The following CFAP47 variants were observed in gnomAD, a reference collection of about 807,000 sequenced individuals.
CFAP47 encodes the protein cilia and flagella associated protein 47.
A neutral mutation model predicts 148.1 loss-of-function variants in CFAP47; 29 were observed. The ratio of observed to expected loss-of-function variants is 0.20; its 90% confidence interval spans 0.15 to 0.27. The LOEUF (loss-of-function observed/expected upper bound fraction) is 0.27. Among genes scored for constraint, CFAP47 ranks in the 10% least tolerant of loss-of-function variants. The probability of loss-of-function intolerance (pLI) is 1.00; values close to 1 mark genes in which losing one functional copy is unlikely to be tolerated. For missense variants in CFAP47, 1,872 were observed against 1,697.5 expected (o/e 1.10, Z -1.81); for synonymous variants, 664 against 577.3 (o/e 1.15, Z -2.15).
At chrX:36,120,503 G>T (rs1938723542) in intron 33 of CFAP47, among the ~76,000 whole-genome samples, 1 of 111,100 alleles carries the variant, frequency 9.0e-6, no homozygotes, top group Non-Finnish European at 1.9e-5. Flanking sequence ...GGCACTTGCA[G>T]CTATGAAATT....
intron 37 of CFAP47, among the ~76,000 whole-genome samples, chrX:36,156,374 A>T (rs952038314): frequency 1.8e-5 from 2 of 111,512 alleles, no homozygotes; most frequent in Admixed American, 1.9e-4. Flanking sequence ...TTATATAGAA[A>T]ATGTTAAACA....
intron 2 of CFAP47, among the ~76,000 whole-genome samples, chrX:35,931,249 G>A (rs1196584466): frequency 9.0e-6 from 1 of 111,289 alleles, no homozygotes; most frequent in Non-Finnish European, 1.9e-5. Flanking sequence ...CTTTCTGGTA[G>A]ATTGATCCTT....
intron 8 of CFAP47, among the ~76,000 whole-genome samples, chrX:35,962,959 GTGTGTGTGTGTGTA>G (rs2146655452): frequency 9.2e-6 from 1 of 108,485 alleles, no homozygotes; most frequent in Non-Finnish European, 1.9e-5. Context: ...GTGTGTGTGT[GTGTGTGTGTGTGTA>G]TGTGTATGAA....
chrX:36,239,249 G>A (rs996397201), intron 48 of CFAP47, among the ~76,000 whole-genome samples: 1 of 112,396 alleles, frequency 8.9e-6, no homozygotes, highest in Non-Finnish European at 1.9e-5. Flanking sequence ...TTAAAGAAAA[G>A]CAATGAAAAC....
intron 33 of CFAP47, among the ~76,000 whole-genome samples, chrX:36,123,276 A>G (rs1938777075): frequency 8.9e-6 from 1 of 112,060 alleles, no homozygotes; most frequent in African/African-American, 3.2e-5. Flanking sequence ...GGCCTGCTGT[A>G]ACCACTCCCT....
Position 35,966,621 on chromosome X carries a change from G to C in CFAP47, c.1467G>C (p.Met489Ile). 8.6e-7 allele frequency: 1 copy of C among 1,163,241 alleles called. No homozygotes were observed. Among genetic ancestry groups the C allele is most frequent in the Non-Finnish European group, 1.2e-6 (1 of 867,939 alleles). ...TTGGAGTCTTCAAAGTGAAGCAGATGATAGAGATTATTGGTTTAGTGGCAG... is the reference window on the plus strand; with the variant it reads ...TTGGAGTCTTCAAAGTGAAGCAGATCATAGAGATTATTGGTTTAGTGGCAG... The part of the protein sequence containing the change: ...HQLGVFKVKQ[M>I]IEIIGLVAEE... The change falls in exon 9 of 64, where the codon ATG (methionine) becomes ATC (isoleucine). Residue 489 changes from methionine (M) to isoleucine (I), a missense_variant. Met to Ile is a conservative substitution (Grantham distance 10, BLOSUM62 1). Coordinates refer to ENST00000378653, the MANE Select transcript of CFAP47 (RefSeq NM_001304548.2).
chrX:35,956,914 A>G (rs983959283), intron 8 of CFAP47, among the ~76,000 whole-genome samples: 3 of 111,696 alleles, frequency 2.7e-5, no homozygotes, highest in Non-Finnish European at 3.8e-5. Flanking sequence ...CTACTTTCAT[A>G]CAAAAAGACA....
At chrX:36,359,437 A>T (rs1941810202) in intron 60 of CFAP47, among the ~76,000 whole-genome samples, 1 of 112,168 alleles carries the variant, frequency 8.9e-6, no homozygotes, top group African/African-American at 3.2e-5. Context: ...TATATTATGG[A>T]TATTAAAAGC....
At chrX:35,948,660 C>T (rs1000521972) in intron 4 of CFAP47, among the ~76,000 whole-genome samples, 1 of 111,620 alleles carries the variant, frequency 9.0e-6, no homozygotes, top group Non-Finnish European at 1.9e-5. Context: ...ACAGGATCTT[C>T]TATTTTGAAT....
chrX:36,294,016 T>C (rs1343244658), intron 51 of CFAP47, among the ~76,000 whole-genome samples: 1 of 111,157 alleles, frequency 9.0e-6, no homozygotes, highest in Non-Finnish European at 1.9e-5. Context: ...AAGGCTAAGC[T>C]TGAGCTTATT....
chrX:36,266,009 C>T (rs1405569140), intron 49 of CFAP47, among the ~76,000 whole-genome samples: 2 of 112,091 alleles, frequency 1.8e-5, no homozygotes, highest in African/African-American at 6.5e-5. Context: ...TGTACTCTAT[C>T]CATGAGTGAC....
chrX:36,037,338 TTTGTTGTTGTTGTTGTTGTTG>T (rs768498053), intron 24 of CFAP47, among the ~76,000 whole-genome samples: 1 of 106,177 alleles, frequency 9.4e-6, no homozygotes, highest in Non-Finnish European at 1.9e-5. Context: ...AACTTTACTC[TTTGTTGTTGTTGTTGTTGTTG>T]TTGTTGTTGT....
intron 27 of CFAP47, among the ~76,000 whole-genome samples, chrX:36,069,109 T>C (rs1454035185): frequency 1.8e-5 from 2 of 111,122 alleles, no homozygotes; most frequent in African/African-American, 6.5e-5. Context: ...TCATTTGTGT[T>C]CTAACCACAC....
chrX:36,000,405 A>G lies in CFAP47; in HGVS notation c.3300A>G (p.Ser1100=), dbSNP rs1294591992. The G allele has an allele frequency of 1.7e-5, 5 of 293,703 alleles. No homozygotes were observed. The highest frequency in any genetic ancestry group is 1.4e-4 in the African/African-American group (5 of 36,285). 24.2% of individuals were successfully genotyped at this position (293,703 alleles called of 1,213,427 possible). The change falls in exon 20 of 64, where the codon TCA becomes TCG. Residue 1100 remains serine (S), a synonymous_variant. Coordinates refer to ENST00000378653, the MANE Select transcript of CFAP47 (RefSeq NM_001304548.2). The part of the protein sequence containing the change: ...EFNLKDFPDF[S]MDLKDKSEEF... ...ATCTAAAAGACTTTCCGGATTTTTC[A>G]ATGGATCTTAAAGACAAATCAGGTA...
At chrX:36,241,272 G>A (rs1437664985) in intron 48 of CFAP47, among the ~76,000 whole-genome samples, 1 of 111,973 alleles carries the variant, frequency 8.9e-6, no homozygotes, top group Non-Finnish European at 1.9e-5. Flanking sequence ...CTAACATGGA[G>A]CCAGGGGCTT....
chrX:35,949,640 A>G (rs1451973513), intron 4 of CFAP47, among the ~76,000 whole-genome samples: 2 of 111,981 alleles, frequency 1.8e-5, no homozygotes, highest in Admixed American at 9.5e-5. Flanking sequence ...AGCTGGCTGC[A>G]GCTTATTAAA....
intron 37 of CFAP47, 29 bp from the exon 38 acceptor site, chrX:36,159,397 C>T (rs748566722): frequency 3.4e-6 from 1 of 294,444 alleles, no homozygotes; most frequent in African/African-American, 2.7e-5. Context: ...TTTGTTAAAA[C>T]GTTTTCTCTT....
intron 15 of CFAP47, among the ~76,000 whole-genome samples, chrX:35,982,222 A>G (rs990508117): frequency 4.5e-5 from 5 of 111,624 alleles, no homozygotes; most frequent in Admixed American, 9.5e-5. Flanking sequence ...CTGGTGTGAG[A>G]TGGTATCTCA....
At chrX:36,311,974 A>G (rs1371073696) in intron 56 of CFAP47, among the ~76,000 whole-genome samples, 1 of 111,176 alleles carries the variant, frequency 9.0e-6, no homozygotes, top group Non-Finnish European at 1.9e-5. Context: ...ATTCCCTTAT[A>G]AGAATTTTGG....
Sources: gnomAD v4.1 joint callset for allele counts (sites outside exome capture counted in the v4.1 genomes callset) on GRCh38, gnomAD v4.1.1 for gene constraint, MANE v1.5 for transcripts, NCBI Gene and HGNC (gene_info 2026-07-23, HGNC 2026-07-21) for gene names.